The following USP43 variants were observed in gnomAD, a reference collection of about 807,000 sequenced individuals.
USP43 encodes ubiquitin specific peptidase 43, also known as ubiquitin carboxyl-terminal hydrolase 43.
USP43 carries 33 observed loss-of-function variants against 90.7 expected under a neutral mutation model. That is an observed-to-expected ratio of 0.36 (90% CI 0.28 to 0.49). The LOEUF (loss-of-function observed/expected upper bound fraction) is 0.49. USP43 is among the 20% of genes least tolerant of loss of function. The pLI is 0.98. For synonymous variants in USP43, 598 were observed against 615.8 expected (o/e 0.97, Z 0.43); for missense variants, 1,274 against 1,476.4 (o/e 0.86, Z 2.25).
At chr17:9,726,164 A>G (rs1465893469) in intron 14 of USP43, among the ~76,000 whole-genome samples, 1 of 151,970 alleles carries the variant, frequency 6.6e-6, no homozygotes, top group African/African-American at 2.4e-5. Flanking sequence ...TGCTCCAGCC[A>G]TTTCTCCAGG....
In USP43 at chr17:9,728,498, G is replaced by A. The variant is rs1917399413; in HGVS notation, c.2880G>A (p.Gln960=). ...CCATGAACTGGAAGGAGAGCTTCCAGATGGGAAGCAAAAGCAGCCCACCCT... is the reference window on the plus strand; with the variant it reads ...CCATGAACTGGAAGGAGAGCTTCCAAATGGGAAGCAAAAGCAGCCCACCCT... The part of the protein sequence containing the change: ...QKAMNWKESF[Q]MGSKSSPPSP... Residue 960 remains glutamine (Q), a synonymous_variant, in exon 15 of 15, where the codon CAG becomes CAA. Coordinates refer to ENST00000285199, the MANE Select transcript of USP43 (RefSeq NM_153210.5). This position sits in a 1 kb window ranked among gnomAD's most constrained non-coding sequence, Gnocchi z 6.2. 1 of 1,613,750 alleles carries A rather than the reference G, an allele frequency of 6.2e-7. No individual in the cohort carries two copies. The highest frequency in any genetic ancestry group is 1.3e-5 in the African/African-American group (1 of 74,944).
chr17:9,665,337 A>T (rs1296950095), intron 2 of USP43, among the ~76,000 whole-genome samples: 4 of 152,178 alleles, frequency 2.6e-5, no homozygotes, highest in Admixed American at 6.5e-5. Context: ...CTTACAAAAG[A>T]AAGAGGTTTA....
At position 9,686,826 on chromosome 17, in the gene USP43, G is replaced by T; in HGVS notation, c.1270G>T (p.Asp424Tyr). 1 of 1,613,898 alleles carries T rather than the reference G, an allele frequency of 6.2e-7. No homozygotes were observed. Among genetic ancestry groups the T allele is most frequent in the Non-Finnish European group, 8.5e-7 (1 of 1,179,848 alleles). The stretch of plus-strand genomic sequence containing the variant: ...TGGGCCACCCTTCCTGATAAGGGAA[G>T]ACAGAGCTGTTTCCTGGGCCCAGCT... The part of the protein sequence containing the change: ...RFGPPFLIRE[D>Y]RAVSWAQLQQ... The change falls in exon 8 of 15, where the codon GAC becomes TAC. Residue 424 changes from aspartate (D) to tyrosine (Y), a missense_variant. This residue lies in a region of USP43 where 253 missense variants were observed against 276.0 expected (regional missense o/e 0.92). Transcript: ENST00000285199. This position sits in a 1 kb window ranked among gnomAD's most constrained non-coding sequence, Gnocchi z 5.5.
chr17:9,718,846 A>G (rs1916763533), intron 14 of USP43, among the ~76,000 whole-genome samples: 1 of 152,078 alleles, frequency 6.6e-6, no homozygotes, highest in East Asian at 1.9e-4. Flanking sequence ...GTCTCAAAAA[A>G]AAGAAAAAGA....
intron 1 of USP43, among the ~76,000 whole-genome samples, chr17:9,651,271 A>G (rs1480180537): frequency 6.6e-6 from 1 of 151,794 alleles, no homozygotes; most frequent in Non-Finnish European, 1.5e-5. Flanking sequence ...GGCTCACTGC[A>G]ACCTCTGCCT....
chr17:9,716,485 A>T (rs1110096), intron 14 of USP43, among the ~76,000 whole-genome samples: 16,455 of 152,176 alleles, frequency 0.11, 1,691 homozygotes, highest in African/African-American at 0.28. Flanking sequence ...TTGGAGATAC[A>T]TAGTTCTCTG....
At chr17:9,673,108 T>C (rs1913547173) in intron 3 of USP43, among the ~76,000 whole-genome samples, 2 of 152,196 alleles carry the variant, frequency 1.3e-5, no homozygotes, top group South Asian at 4.1e-4. Context: ...TTAATGTAGA[T>C]TTTAGGATTA....
chr17:9,728,044 C>T lies in USP43; in HGVS notation c.2426C>T (p.Pro809Leu), dbSNP rs747267359. 3.7e-6 allele frequency: 6 copies of T among 1,613,888 alleles called. No individual in the cohort carries two copies. The highest frequency in any genetic ancestry group is 5.1e-6 in the Non-Finnish European group (6 of 1,179,864). The change falls in exon 15 of 15, where the codon CCA becomes CTA. Residue 809 changes from proline to leucine, a missense_variant. Coordinates refer to ENST00000285199, the MANE Select transcript of USP43 (RefSeq NM_153210.5). The surrounding 1 kb of genome is among the most constrained non-coding windows in gnomAD (Gnocchi z 6.2). ...ACCACTTCCCGAGCCAAGCAGGGAC[C>T]ATTCAAGACCATGCCTCTGCGGTGG... ...APTTSRAKQG[P>L]FKTMPLRWSF...
Position 9,645,811 on chromosome 17 carries a change from G to C in USP43, c.179G>C (p.Gly60Ala). 2 of 1,389,168 alleles carry C rather than the reference G, an allele frequency of 1.4e-6. No individual in the cohort carries two copies. The highest frequency in any genetic ancestry group is 1.7e-5 in the South Asian group (1 of 59,034). The allele number at this position is 1,389,168 out of a possible 1,614,324, so 86.1% of individuals were successfully genotyped here. A position where few individuals can be genotyped will look rare whatever the true frequency, so the allele number is the denominator to read the frequency against. ...PGHCDGDGEGGFACAPGPVPA... is the reference protein window; with the variant it reads ...PGHCDGDGEGAFACAPGPVPA... ...CACTGTGATGGCGACGGTGAGGGGGGCTTCGCCTGCGCCCCGGGCCCAGTT... is the reference window on the plus strand; with the variant it reads ...CACTGTGATGGCGACGGTGAGGGGGCCTTCGCCTGCGCCCCGGGCCCAGTT... The change falls in exon 1 of 15, where the codon GGC becomes GCC. Residue 60 changes from glycine (G) to alanine (A), a missense_variant. By Grantham distance (60) the Gly-to-Ala change is moderately conservative. This residue lies in a region of USP43 where 112 missense variants were observed against 106.6 expected (regional missense o/e 1.05). Coordinates refer to ENST00000285199, the MANE Select transcript of USP43 (RefSeq NM_153210.5). This position sits in a 1 kb window ranked among gnomAD's most constrained non-coding sequence, Gnocchi z 6.8.
In USP43 at chr17:9,728,608, C is replaced by CCCTT. The variant is rs781257634; in HGVS notation, c.2992_2995dup (p.Leu999ProfsTer15). ...GACAGACCCCTGCAGGGGACACTCACCCTTCTGAGGTCCGTGTTTCGGAAG... is the reference window on the plus strand; with the variant it reads ...GACAGACCCCTGCAGGGGACACTCACCCTTCCTTCTGAGGTCCGTGTTTCGGAAG... On this transcript the variant is annotated frameshift_variant, in exon 15 of 15. Transcript: ENST00000285199. LOFTEE classifies it low-confidence loss of function (END_TRUNC). This position sits in a 1 kb window ranked among gnomAD's most constrained non-coding sequence, Gnocchi z 6.2. 1.2e-6 allele frequency: 2 copies of CCCTT among 1,613,846 alleles called. No homozygotes were observed. Among genetic ancestry groups the CCCTT allele is most frequent in the Non-Finnish European group, 8.5e-7 (1 of 1,179,834 alleles).
Position 9,686,900 on chromosome 17 carries a change from C to T in USP43, c.1344C>T (p.Ala448=). 6.2e-6 allele frequency: 10 copies of T among 1,613,242 alleles called. No homozygotes were observed. The highest frequency in any genetic ancestry group is 8.5e-6 in the Non-Finnish European group (10 of 1,179,798). ...SKVRHLMKSE[A]PVQNLGSLFS... The stretch of plus-strand genomic sequence containing the variant: ...TCCGCCATCTTATGAAGAGTGAGGC[C>T]CCTGTACAGGTCAGTGGTGTGCATG... The change falls in exon 8 of 15, where the codon GCC becomes GCT. Residue 448 remains alanine (A), a synonymous_variant. Transcript: ENST00000285199. This position sits in a 1 kb window ranked among gnomAD's most constrained non-coding sequence, Gnocchi z 5.5.
At position 9,710,009 on chromosome 17, in the gene USP43, G is replaced by A; in HGVS notation, c.2065G>A (p.Val689Met). The A allele has an allele frequency of 6.4e-7, 1 of 1,573,426 alleles. No homozygotes were observed. Among genetic ancestry groups the A allele is most frequent in the Non-Finnish European group, 8.6e-7 (1 of 1,159,516 alleles). Residue 689 changes from valine (V) to methionine (M), a missense_variant, in exon 13 of 15, where the codon GTG becomes ATG. Coordinates refer to ENST00000285199, the MANE Select transcript of USP43 (RefSeq NM_153210.5). ...GTGGTACAGTTATGATGACAGCACG[G>A]TGGAACCGCTTCGAGAAGATGAGGT... ...GQWYSYDDST[V>M]EPLREDEVNT... is the part of the protein sequence containing the mutation.
chr17:9,694,679 G>A (rs926542971), intron 9 of USP43, among the ~76,000 whole-genome samples: 1 of 151,888 alleles, frequency 6.6e-6, no homozygotes, highest in Non-Finnish European at 1.5e-5. Context: ...CTCAAGTGCA[G>A]TGGCGCCATC....
intron 3 of USP43, among the ~76,000 whole-genome samples, chr17:9,667,475 G>A (rs1913114159): frequency 6.6e-6 from 1 of 152,186 alleles, no homozygotes; most frequent in Admixed American, 6.5e-5. Flanking sequence ...TTCTCTTTGA[G>A]CTTTTATATG....
intron 9 of USP43, among the ~76,000 whole-genome samples, chr17:9,697,419 A>G (rs896519118): frequency 1.3e-5 from 2 of 151,936 alleles, no homozygotes; most frequent in African/African-American, 2.4e-5. Context: ...GCATTTCTAT[A>G]TAACCCATCA....
chr17:9,722,703 G>C (rs1272037943), intron 14 of USP43, among the ~76,000 whole-genome samples: 2 of 152,104 alleles, frequency 1.3e-5, no homozygotes, highest in African/African-American at 4.8e-5. Context: ...AATCAGATGA[G>C]AAATATATAA....
intron 14 of USP43, among the ~76,000 whole-genome samples, chr17:9,716,873 T>G (rs1916597557): frequency 1.3e-5 from 2 of 152,188 alleles, no homozygotes; most frequent in Non-Finnish European, 2.9e-5. Context: ...CGGTGGCACA[T>G]GCCTGTAATC....
At chr17:9,711,836 AGTTCT>A in intron 13 of USP43, 127 bp from the exon 14 acceptor site, 1 of 1,017,468 alleles carries the variant, frequency 9.8e-7, no homozygotes, top group African/African-American at 1.7e-5. Context: ...AGGTTTCTGC[AGTTCT>A]GTTCTGGTTC....
At chr17:9,666,332 G>A (rs893155908) in intron 2 of USP43, among the ~76,000 whole-genome samples, 1 of 152,148 alleles carries the variant, frequency 6.6e-6, no homozygotes, top group African/African-American at 2.4e-5. Flanking sequence ...GAAGCCGAGT[G>A]GGACAGAAAT....
Sources: gnomAD v4.1 joint callset for allele counts (sites outside exome capture counted in the v4.1 genomes callset) on GRCh38, gnomAD v4.1.1 for gene constraint, gnomAD v4.1.1 regional missense constraint, Gnocchi (gnomAD v3.1) non-coding constraint, MANE v1.5 for transcripts, NCBI Gene and HGNC (gene_info 2026-07-23, HGNC 2026-07-21) for gene names.